Variants in SAMM50 observed in about 807,000 individuals in gnomAD.
The protein encoded by SAMM50 is SAMM50 sorting and assembly machinery component, also known as sorting and assembly machinery component 50 homolog.
A neutral mutation model predicts 66.9 loss-of-function variants in SAMM50; 47 were observed. The observed-to-expected ratio is 0.70, with a 90% CI of 0.56 to 0.90. The LOEUF (loss-of-function observed/expected upper bound fraction) is 0.90, where lower values mean the gene tolerates loss of function less well. Among genes scored for constraint, SAMM50 ranks in the 40% least tolerant of loss-of-function variants. The pLI is 0.00. For synonymous variants in SAMM50, 191 were observed against 214.1 expected (o/e 0.89, Z 0.94); for missense variants, 535 against 595.3 (o/e 0.90, Z 1.05).
At chr22:43,989,571 C>T (rs558327272) in intron 13 of SAMM50, among the ~76,000 whole-genome samples, 14 of 152,172 alleles carry the variant, frequency 9.2e-5, no homozygotes, top group East Asian at 1.9e-4. Context: ...CTCTTGACCT[C>T]GTGATCCACA....
At chr22:43,989,679 C>T (rs1257203159) in intron 13 of SAMM50, among the ~76,000 whole-genome samples, 1 of 152,188 alleles carries the variant, frequency 6.6e-6, no homozygotes, top group African/African-American at 2.4e-5. Context: ...AAGTTAGAGA[C>T]TGTGCCTTAC....
intron 4 of SAMM50, 105 bp downstream of exon 4, chr22:43,968,923 C>T: frequency 1.4e-6 from 1 of 717,084 alleles, no homozygotes; most frequent in African/African-American, 1.8e-5. Flanking sequence ...CTGCTCCCTG[C>T]TGTGTAGAAC....
At chr22:43,958,446 AG>A (rs1344314835) in intron 1 of SAMM50, among the ~76,000 whole-genome samples, 3 of 150,164 alleles carry the variant, frequency 2.0e-5, no homozygotes, top group Non-Finnish European at 4.4e-5. Context: ...CCAGGGATAC[AG>A]GGAAAAAAGT....
At chr22:43,971,510 C>T (rs969629748) in intron 4 of SAMM50, among the ~76,000 whole-genome samples, 3 of 152,154 alleles carry the variant, frequency 2.0e-5, no homozygotes, top group Non-Finnish European at 2.9e-5. Context: ...CACTTATCTT[C>T]GAGGGTTACT....
intron 14 of SAMM50, among the ~76,000 whole-genome samples, chr22:43,993,847 T>G (rs2050338581): frequency 6.6e-6 from 1 of 152,246 alleles, no homozygotes; most frequent in Non-Finnish European, 1.5e-5. Context: ...GCAGGCACAC[T>G]GTAAATAGGA....
intron 4 of SAMM50, among the ~76,000 whole-genome samples, chr22:43,970,944 A>G (rs2050200423): frequency 6.6e-6 from 1 of 152,196 alleles, no homozygotes; most frequent in African/African-American, 2.4e-5. Flanking sequence ...GGGCGGCTGG[A>G]TCATGAGGTC....
intron 1 of SAMM50, among the ~76,000 whole-genome samples, chr22:43,958,531 T>G (rs1329902636): frequency 7.3e-6 from 1 of 137,794 alleles, no homozygotes; most frequent in Admixed American, 8.5e-5. Flanking sequence ...CAGGCTGGAG[T>G]GCAGTGGCGC....
In SAMM50 at chr22:43,989,186, A is replaced by G. The variant is rs1196635235; in HGVS notation, c.1151A>G (p.Gln384Arg). Reference sequence around the variant, plus strand: ...ACCCCATTACCTTTCCGGCCAGGCCAGGGTGGCTTTGGAGAACTTTTCCGA... The same window carrying G: ...ACCCCATTACCTTTCCGGCCAGGCCGGGGTGGCTTTGGAGAACTTTTCCGA... ...LYTPLPFRPG[Q>R]GGFGELFRTH... The change falls in exon 13 of 15, where the codon CAG becomes CGG. Residue 384 changes from glutamine (Q) to arginine (R), a missense_variant. Transcript: ENST00000350028. The G allele has an allele frequency of 1.2e-6, 2 of 1,614,210 alleles. No homozygotes were observed. Among genetic ancestry groups the G allele is most frequent in the East Asian group, 2.2e-5 (1 of 44,890 alleles).
chr22:43,977,354 G>A (rs1256023568), intron 9 of SAMM50, among the ~76,000 whole-genome samples: 1 of 152,182 alleles, frequency 6.6e-6, no homozygotes, highest in Non-Finnish European at 1.5e-5. Context: ...AGCCCACCTT[G>A]GTGGCTTGAG....
chr22:43,978,205 A>G (rs1603419541), intron 10 of SAMM50, among the ~76,000 whole-genome samples: 1 of 151,962 alleles, frequency 6.6e-6, no homozygotes, highest in African/African-American at 2.4e-5. Context: ...GCACTTTGGG[A>G]GGCTGAGGTG....
intron 13 of SAMM50, 112 bp downstream of exon 13, chr22:43,989,369 G>A (rs1361113595): frequency 1.0e-5 from 11 of 1,093,696 alleles, no homozygotes; most frequent in African/African-American, 3.5e-5. Flanking sequence ...ATGGAGTCTC[G>A]CTCTATTGCC....
chr22:43,965,232 G>T (rs901587706), intron 3 of SAMM50, among the ~76,000 whole-genome samples: 1 of 150,998 alleles, frequency 6.6e-6, no homozygotes, highest in Non-Finnish European at 1.5e-5. Flanking sequence ...TTTAGATAGG[G>T]TCTTGCTCTG....
At chr22:43,969,954 T>G (rs934708510) in intron 4 of SAMM50, among the ~76,000 whole-genome samples, 1 of 152,196 alleles carries the variant, frequency 6.6e-6, no homozygotes, top group Admixed American at 6.5e-5. Context: ...AATCTGTGAA[T>G]GAGTAACTCT....
Position 43,964,524 on chromosome 22 carries a change from G to T in SAMM50, c.205G>T (p.Asp69Tyr). 2 of 1,610,516 alleles carry T rather than the reference G, an allele frequency of 1.2e-6. No individual in the cohort carries two copies. Among genetic ancestry groups the T allele is most frequent in the South Asian group, 2.2e-5 (2 of 91,002 alleles). ...KDDIIICEIG[D>Y]VFKAKNLIEV... Reference sequence around the variant, plus strand: ...TGATATCATCATTTGTGAAATTGGAGATGTTTTCAAGGCCAAAAACCTAAT... The same window carrying T: ...TGATATCATCATTTGTGAAATTGGATATGTTTTCAAGGCCAAAAACCTAAT... The change falls in exon 3 of 15, where the codon GAT becomes TAT. Residue 69 changes from aspartate (D) to tyrosine (Y), a missense_variant. Physicochemically the swap from Asp to Tyr is radical, Grantham distance 160 (BLOSUM62 -3). Coordinates refer to ENST00000350028, the MANE Select transcript of SAMM50 (RefSeq NM_015380.5).
chr22:43,976,738 A>G lies in SAMM50; in HGVS notation c.778-12A>G. ...CTTAAAGTGAAAATATCCCCATTCAAATTTCTTTCAGCACGCCATGGTCAT... is the reference window on the plus strand; with the variant it reads ...CTTAAAGTGAAAATATCCCCATTCAGATTTCTTTCAGCACGCCATGGTCAT... On this transcript the variant is annotated splice_polypyrimidine_tract_variant and intron_variant, in intron 8 of 14. Coordinates refer to ENST00000350028, the MANE Select transcript of SAMM50 (RefSeq NM_015380.5). 1 of 1,603,552 alleles carries G rather than the reference A, an allele frequency of 6.2e-7. No individual in the cohort carries two copies. Among genetic ancestry groups the G allele is most frequent in the Non-Finnish European group, 8.5e-7 (1 of 1,171,716 alleles).
chr22:43,990,285 A>G lies in SAMM50; in HGVS notation c.1243A>G (p.Ile415Val). 1 of 1,614,126 alleles carries G rather than the reference A, an allele frequency of 6.2e-7. No individual in the cohort carries two copies. The highest frequency in any genetic ancestry group is 1.1e-5 in the South Asian group (1 of 91,074). The change falls in exon 14 of 15, where the codon ATT (isoleucine) becomes GTT (valine). Residue 415 changes from isoleucine to valine, a missense_variant. By Grantham distance (29) the Ile-to-Val change is conservative (BLOSUM62 3). Transcript: ENST00000350028. ...TTCAGGGGAGGGCCCCAAAGCTCAT[A>G]TTCGTAAGCTGGCTGAGTGCATCCG... ...LNYGEGPKAHIRKLAECIRWS... is the reference protein window; with the variant it reads ...LNYGEGPKAHVRKLAECIRWS...
intron 13 of SAMM50, among the ~76,000 whole-genome samples, chr22:43,989,498 G>A (rs1181865860): frequency 3.9e-5 from 6 of 151,998 alleles, no homozygotes; most frequent in East Asian, 1.9e-4. Flanking sequence ...CATCACGCCC[G>A]GCTAATTTTT....
Position 43,962,114 on chromosome 22 carries a change from G to A in SAMM50, c.22-1172G>A, listed in dbSNP as rs1039688402. Among the ~76,000 whole-genome samples the A allele has an allele frequency of 2.6e-5, 4 of 152,260 alleles. No homozygotes were observed. The South Asian group carries it at 6.2e-4, about 24-fold the overall frequency. ...GAAAATGCATCTAATACACATATCC[G>A]ACAGAACATCATAGCTTAGCCTAGC... On this transcript the variant is annotated intron_variant, in intron 1 of 14. Coordinates refer to ENST00000350028, the MANE Select transcript of SAMM50 (RefSeq NM_015380.5).
intron 12 of SAMM50, 23 bp downstream of exon 12, chr22:43,984,023 G>T: frequency 6.2e-7 from 1 of 1,600,698 alleles, no homozygotes; most frequent in Non-Finnish European, 8.5e-7. Context: ...CCCTCACGGC[G>T]CCAAGTCTAG....
Sources: gnomAD v4.1 joint callset for allele counts (sites outside exome capture counted in the v4.1 genomes callset) on GRCh38, gnomAD v4.1.1 for gene constraint, MANE v1.5 for transcripts, NCBI Gene and HGNC (gene_info 2026-07-23, HGNC 2026-07-21) for gene names.